Variants in MECOM observed in about 807,000 individuals in gnomAD.
MECOM encodes the protein histone-lysine N-methyltransferase MECOM.
MECOM carries 13 observed loss-of-function variants against 116.3 expected under a neutral mutation model. The observed-to-expected ratio is 0.11, with a 90% CI of 0.07 to 0.18. The LOEUF is 0.18. MECOM is among the 10% of genes least tolerant of loss of function. The pLI is 1.00. For synonymous variants in MECOM, 528 were observed against 535.2 expected, an observed-to-expected ratio of 0.99 and a Z score of 0.19; for missense variants, 1,299 against 1,509.0, an observed-to-expected ratio of 0.86 and a Z score of 2.31.
intron 12 of MECOM, among the ~76,000 whole-genome samples, 162 bp downstream of exon 12, chr3:169,100,723 T>C (rs1231067499): frequency 4.6e-5 from 7 of 152,118 alleles, no homozygotes; most frequent in African/African-American, 1.7e-4. Flanking sequence ...ATCCTAGCCA[T>C]TAGTCAATTC....
At chr3:169,336,504 A>C (rs183715242) in intron 2 of MECOM, among the ~76,000 whole-genome samples, 3 of 152,084 alleles carry the variant, frequency 2.0e-5, no homozygotes, top group African/African-American at 7.2e-5. Flanking sequence ...TTCACTTATC[A>C]GTGCTTGAAA....
chr3:169,346,814 T>C (rs1725442684), intron 2 of MECOM, among the ~76,000 whole-genome samples: 1 of 152,060 alleles, frequency 6.6e-6, no homozygotes, highest in African/African-American at 2.4e-5. Context: ...TAGTTCCATA[T>C]ATAGTTCCAT....
At chr3:169,155,763 T>G (rs1741871563) in intron 2 of MECOM, among the ~76,000 whole-genome samples, 1 of 152,086 alleles carries the variant, frequency 6.6e-6, no homozygotes. Context: ...TTAGCACTGG[T>G]TAACAACTGG....
At chr3:169,163,992 G>C (rs965274735) in intron 2 of MECOM, among the ~76,000 whole-genome samples, 1 of 152,088 alleles carries the variant, frequency 6.6e-6, no homozygotes, top group African/African-American at 2.4e-5. Context: ...TTTTGCCAAG[G>C]CTCAATCTTA....
chr3:169,310,278 T>C (rs915911511), intron 2 of MECOM, among the ~76,000 whole-genome samples: 4 of 152,358 alleles, frequency 2.6e-5, no homozygotes, highest in African/African-American at 9.6e-5. Context: ...TTATATGTGA[T>C]TCATGTGTTA....
At position 169,316,962 on chromosome 3, in the gene MECOM, A is replaced by G. The variant is rs937210720; in HGVS notation, c.375+64225T>C. Among the ~76,000 whole-genome samples the G allele has an allele frequency of 3.3e-5, 5 of 152,196 alleles. No individual in the cohort carries two copies. In the South Asian group the frequency reaches 8.3e-4, roughly 25 times the overall value. On this transcript the variant is annotated intron_variant, in intron 2 of 16. Coordinates refer to ENST00000651503, the MANE Select transcript of MECOM (RefSeq NM_004991.4). ...CTGTCTATCTTAGAATTCTCATTAT[A>G]TTGGCAATCACAATACTTGGTAAAT... is the stretch of plus-strand genomic sequence containing the variant.
At chr3:169,577,831 T>C (rs930370469) in intron 1 of MECOM, among the ~76,000 whole-genome samples, 6 of 152,152 alleles carry the variant, frequency 3.9e-5, no homozygotes, top group South Asian at 2.1e-4. Context: ...CTGGAGGAGA[T>C]GGGAGAGGTA....
chr3:169,368,200 A>T (rs1729505031), intron 2 of MECOM, among the ~76,000 whole-genome samples: 1 of 152,050 alleles, frequency 6.6e-6, no homozygotes, highest in Admixed American at 6.6e-5. Context: ...AAAAGCACAC[A>T]ATATTTTACC....
chr3:169,594,260 A>G (rs966639984), intron 1 of MECOM, among the ~76,000 whole-genome samples: 1 of 152,024 alleles, frequency 6.6e-6, no homozygotes, highest in Non-Finnish European at 1.5e-5. Context: ...CTCTAAGCAT[A>G]AAGAAAAACA....
chr3:169,084,883 T>C lies in MECOM; in HGVS notation c.*26A>G. The C allele has an allele frequency of 6.2e-7, 1 of 1,613,812 alleles. No individual in the cohort carries two copies. Among genetic ancestry groups the C allele is most frequent in the South Asian group, 1.1e-5 (1 of 91,032 alleles). ...AGAGCCATGCTACTGTTGGACTTGG[T>C]CCCACTCTGGTCAACCTTGATAACG... On this transcript the variant is annotated 3_prime_UTR_variant, in exon 17 of 17. Transcript: ENST00000651503.
chr3:169,360,818 G>A (rs1318510360), intron 2 of MECOM, among the ~76,000 whole-genome samples: 1 of 151,886 alleles, frequency 6.6e-6, no homozygotes, highest in South Asian at 2.1e-4. Context: ...GATACTTGCT[G>A]TCATGAGGCA....
intron 2 of MECOM, among the ~76,000 whole-genome samples, chr3:169,349,307 T>C (rs1048442148): frequency 2.0e-5 from 3 of 151,924 alleles, no homozygotes; most frequent in Admixed American, 1.3e-4. Flanking sequence ...AGTAGAAATT[T>C]TCTACTGTGG....
intron 1 of MECOM, among the ~76,000 whole-genome samples, chr3:169,438,796 T>G (rs1037575377): frequency 6.6e-6 from 1 of 152,218 alleles, no homozygotes; most frequent in Non-Finnish European, 1.5e-5. Flanking sequence ...TTTAAAACCA[T>G]GTGTGTTTGG....
rs1717042708 is a variant in MECOM, at chr3:169,084,487, T to C, written c.*422A>G. Reference sequence around the variant, plus strand: ...AATTAAATCTGTAATTAAAAGCAACTGTTCCCAATCATGTCAGGTGATCTT... The same window carrying C: ...AATTAAATCTGTAATTAAAAGCAACCGTTCCCAATCATGTCAGGTGATCTT... On this transcript the variant is annotated 3_prime_UTR_variant, in exon 17 of 17. Coordinates refer to ENST00000651503, the MANE Select transcript of MECOM (RefSeq NM_004991.4). 4.2e-6 allele frequency: 1 copy of C among 236,440 alleles called. No individual in the cohort carries two copies. The allele number at this position is 236,440 out of a possible 1,614,324, so 14.6% of individuals were successfully genotyped here.
intron 1 of MECOM, among the ~76,000 whole-genome samples, chr3:169,421,548 G>C (rs1270978928): frequency 6.6e-6 from 1 of 151,970 alleles, no homozygotes; most frequent in African/African-American, 2.4e-5. Context: ...TCTTAACACT[G>C]TCTTCTTCTT....
At chr3:169,114,795 G>A (rs1359311103) in intron 8 of MECOM, among the ~76,000 whole-genome samples, 3 of 152,076 alleles carry the variant, frequency 2.0e-5, no homozygotes. Context: ...CTACATCAAA[G>A]GAAACCGGAT....
intron 1 of MECOM, among the ~76,000 whole-genome samples, chr3:169,604,851 G>C (rs576803290): frequency 2.3e-4 from 35 of 152,278 alleles, no homozygotes; most frequent in Non-Finnish European, 4.9e-4. Flanking sequence ...TGAAGCTGTT[G>C]GACATTGAGC....
chr3:169,196,418 A>G (rs1214861596), intron 2 of MECOM, among the ~76,000 whole-genome samples: 1 of 152,084 alleles, frequency 6.6e-6, no homozygotes, highest in Non-Finnish European at 1.5e-5. Context: ...ACACACATAC[A>G]CGTCTCACAT....
intron 5 of MECOM, among the ~76,000 whole-genome samples, chr3:169,126,109 A>T (rs1465656180): frequency 1.3e-5 from 2 of 152,128 alleles, no homozygotes; most frequent in African/African-American, 4.8e-5. Context: ...GAATTCATGC[A>T]ATGACAGATA....
Sources: gnomAD v4.1 joint callset for allele counts (sites outside exome capture counted in the v4.1 genomes callset) on GRCh38, gnomAD v4.1.1 for gene constraint, MANE v1.5 for transcripts, NCBI Gene and HGNC (gene_info 2026-07-23, HGNC 2026-07-21) for gene names.